RPS6KA6: variants seen among roughly 807,000 people sequenced by gnomAD.
RPS6KA6 encodes ribosomal protein S6 kinase A6, also known as ribosomal protein S6 kinase alpha-6.
RPS6KA6 carries 27 observed loss-of-function variants against 65.4 expected under a neutral mutation model. That is an observed-to-expected ratio of 0.41 (90% confidence interval 0.30 to 0.57). The LOEUF (loss-of-function observed/expected upper bound fraction) is 0.57, where lower values mean the gene tolerates loss of function less well. Among genes scored for constraint, RPS6KA6 ranks in the 20% least tolerant of loss-of-function variants. RPS6KA6 has a pLI of 0.24. For synonymous variants in RPS6KA6, 190 were observed against 184.2 expected, an observed-to-expected ratio of 1.03 and a Z score of -0.26; for missense variants, 486 against 555.6, an observed-to-expected ratio of 0.87 and a Z score of 1.26.
chrX:84,130,115 T>A (rs1175675563), intron 8 of RPS6KA6, among the ~76,000 whole-genome samples: 1 of 111,017 alleles, frequency 9.0e-6, no homozygotes, highest in Non-Finnish European at 1.9e-5. Flanking sequence ...AACACATAAA[T>A]ATATACACGT....
intron 1 of RPS6KA6, among the ~76,000 whole-genome samples, chrX:84,167,429 A>C (rs2035615061): frequency 1.8e-5 from 2 of 112,149 alleles, no homozygotes; most frequent in South Asian, 7.4e-4. Flanking sequence ...TAACTGAAAG[A>C]AGCCAAATCC....
intron 20 of RPS6KA6, among the ~76,000 whole-genome samples, chrX:84,070,447 G>A (rs1421063180): frequency 9.1e-6 from 1 of 110,288 alleles, no homozygotes; most frequent in Non-Finnish European, 1.9e-5. Flanking sequence ...AATGCTTGCG[G>A]GGCTTAAAAA....
intron 18 of RPS6KA6, among the ~76,000 whole-genome samples, chrX:84,098,811 A>G (rs1354685247): frequency 3.6e-5 from 4 of 111,346 alleles, no homozygotes; most frequent in East Asian, 2.8e-4. Flanking sequence ...AAAAACACAC[A>G]TATGTGCAAA....
chrX:84,184,991 T>G (rs1352072465), intron 1 of RPS6KA6, among the ~76,000 whole-genome samples: 1 of 111,442 alleles, frequency 9.0e-6, no homozygotes, highest in African/African-American at 3.3e-5. Context: ...AACAAACAAC[T>G]AAGCGAACAA....
intron 6 of RPS6KA6, among the ~76,000 whole-genome samples, chrX:84,139,617 G>C (rs915460927): frequency 9.0e-6 from 1 of 111,382 alleles, no homozygotes; most frequent in African/African-American, 3.3e-5. Flanking sequence ...ATCAACAGTA[G>C]CTCTCCCACA....
At chrX:84,129,024 C>T (rs746176586) in intron 8 of RPS6KA6, among the ~76,000 whole-genome samples, 1 of 110,794 alleles carries the variant, frequency 9.0e-6, no homozygotes, top group South Asian at 3.8e-4. Context: ...AGCTTCTGCA[C>T]GGCAAAGGAA....
intron 2 of RPS6KA6, among the ~76,000 whole-genome samples, chrX:84,163,811 C>G (rs1450198319): frequency 9.0e-6 from 1 of 111,455 alleles, no homozygotes; most frequent in Non-Finnish European, 1.9e-5. Flanking sequence ...ACTCTAGTAT[C>G]TAGGCATTAC....
intron 20 of RPS6KA6, among the ~76,000 whole-genome samples, chrX:84,090,689 C>T (rs999195039): frequency 4.5e-5 from 5 of 111,466 alleles, no homozygotes; most frequent in Admixed American, 1.9e-4. Flanking sequence ...CACTATCACG[C>T]GAACAACATG....
intron 6 of RPS6KA6, among the ~76,000 whole-genome samples, chrX:84,138,774 A>T (rs1359949086): frequency 1.0e-5 from 1 of 98,910 alleles, no homozygotes; most frequent in Non-Finnish European, 2.0e-5. Context: ...AGCACAGCTT[A>T]AGAGTTCTGT....
intron 1 of RPS6KA6, among the ~76,000 whole-genome samples, chrX:84,169,428 T>TA (rs5902844): frequency 0.55 from 55,831 of 101,853 alleles, 13,148 homozygotes; most frequent in Non-Finnish European, 0.71. Flanking sequence ...ACTGAGAAAT[T>TA]AAAAAAAAAA....
In RPS6KA6 at chrX:84,080,861, G is replaced by A. The variant is rs190961760; in HGVS notation, c.1971+15333C>T. On this transcript the variant is annotated intron_variant, in intron 20 of 21. Coordinates refer to ENST00000262752, the MANE Select transcript of RPS6KA6 (RefSeq NM_014496.5). ...CACAACTACATGGAAAGGGAAAAAC[G>A]TGCTCCCGAATGGCTACTGGGTAAA... is the stretch of plus-strand genomic sequence containing the variant. Among the ~76,000 whole-genome samples the A allele has an allele frequency of 2.3e-3, 253 of 111,302 alleles. 1 individual carries two copies. The highest frequency in any genetic ancestry group is 9.1e-3 in the Middle Eastern group (2 of 219).
At chrX:84,184,046 T>A (rs991490025) in intron 1 of RPS6KA6, among the ~76,000 whole-genome samples, 6 of 112,270 alleles carry the variant, frequency 5.3e-5, no homozygotes, top group East Asian at 5.6e-4. Flanking sequence ...AGAATTTTTT[T>A]AAAAAATTAA....
At chrX:84,079,114 G>C (rs1387281807) in intron 20 of RPS6KA6, among the ~76,000 whole-genome samples, 1 of 111,233 alleles carries the variant, frequency 9.0e-6, no homozygotes, top group African/African-American at 3.3e-5. Context: ...TGAGGTACCC[G>C]TAGTTGATCT....
chrX:84,186,237 G>C, intron 1 of RPS6KA6: 1 of 412,550 alleles, frequency 2.4e-6, no homozygotes, highest in Non-Finnish European at 4.2e-6. Flanking sequence ...AAAGTTAACA[G>C]AAATAATAAA....
chrX:84,175,705 C>G (rs1245129701), intron 1 of RPS6KA6, among the ~76,000 whole-genome samples: 1 of 111,335 alleles, frequency 9.0e-6, no homozygotes, highest in African/African-American at 3.3e-5. Flanking sequence ...ACATTAACAA[C>G]CAAAATATTT....
chrX:84,111,902 C>G (rs1052113817), intron 12 of RPS6KA6, among the ~76,000 whole-genome samples: 1 of 111,347 alleles, frequency 9.0e-6, no homozygotes, highest in Non-Finnish European at 1.9e-5. Context: ...AGTTGGGTAA[C>G]AGACAAAAAC....
chrX:84,158,115 A>G (rs1396382680), intron 2 of RPS6KA6, among the ~76,000 whole-genome samples: 1 of 110,478 alleles, frequency 9.1e-6, no homozygotes, highest in African/African-American at 3.3e-5. Flanking sequence ...TTTATTCCTA[A>G]TGCTTAGCAC....
At chrX:84,187,753 C>T (rs1270687815) in intron 1 of RPS6KA6, 66 bp downstream of exon 1, 2 of 1,086,072 alleles carry the variant, frequency 1.8e-6, no homozygotes, top group Non-Finnish European at 2.5e-6. Flanking sequence ...CTCTCCGTCC[C>T]CAGCCAAGGT....
In RPS6KA6 at chrX:84,187,911, G is replaced by A. The variant is rs200497315; in HGVS notation, c.-12C>T. 321 of 1,180,066 alleles carry A rather than the reference G, an allele frequency of 2.7e-4. 1 individual carries two copies. Among genetic ancestry groups the A allele is most frequent in the Non-Finnish European group, 3.5e-4 (308 of 878,387 alleles). Reference sequence around the variant, plus strand: ...GCGAATGGTAGCATCTCCCCTTCAGGAGCACTCAAACAGGAGCTGCCGCCT... The same window carrying A: ...GCGAATGGTAGCATCTCCCCTTCAGAAGCACTCAAACAGGAGCTGCCGCCT... On this transcript the variant is annotated 5_prime_UTR_variant, in exon 1 of 22. Transcript: ENST00000262752.
Sources: gnomAD v4.1 joint callset for allele counts (sites outside exome capture counted in the v4.1 genomes callset) on GRCh38, gnomAD v4.1.1 for gene constraint, MANE v1.5 for transcripts, NCBI Gene and HGNC (gene_info 2026-07-23, HGNC 2026-07-21) for gene names.